The following MAOB variants were observed in gnomAD, a reference collection of about 807,000 sequenced individuals.
MAOB encodes the protein monoamine oxidase B, also known as amine oxidase [flavin-containing] B.
Under a neutral mutation model 41.9 loss-of-function variants are expected in MAOB, and 15 were observed. The ratio of observed to expected loss-of-function variants is 0.36; its 90% CI spans 0.24 to 0.55. The LOEUF is 0.55. MAOB is among the 20% of genes least tolerant of loss of function. MAOB has a pLI of 0.86. For missense variants in MAOB, 345 were observed against 398.7 expected (o/e 0.87, Z 1.15); for synonymous variants, 167 against 144.2 (o/e 1.16, Z -1.13).
chrX:43,826,877 G>A (rs2034953636), intron 3 of MAOB, among the ~76,000 whole-genome samples: 1 of 111,741 alleles, frequency 8.9e-6, no homozygotes, highest in East Asian at 2.8e-4. Flanking sequence ...GTTGCACTGG[G>A]GATTAAGTTG....
intron 1 of MAOB, among the ~76,000 whole-genome samples, chrX:43,879,681 T>C (rs1029732935): frequency 1.8e-5 from 2 of 111,540 alleles, no homozygotes; most frequent in African/African-American, 3.3e-5. Flanking sequence ...ACACACGCCA[T>C]TTGATGCATG....
At chrX:43,850,635 T>C in intron 1 of MAOB, 1 of 195,671 alleles carries the variant, frequency 5.1e-6, no homozygotes, top group Non-Finnish European at 7.7e-6. Context: ...TCCCACAAAA[T>C]GAAAAAAAGA....
At chrX:43,862,646 G>A (rs1302745136) in intron 1 of MAOB, among the ~76,000 whole-genome samples, 1 of 111,772 alleles carries the variant, frequency 8.9e-6, no homozygotes, top group African/African-American at 3.3e-5. Flanking sequence ...CATACACCTG[G>A]GTGTGAAATC....
chrX:43,837,356 T>C (rs2035082968), intron 3 of MAOB, among the ~76,000 whole-genome samples: 1 of 112,312 alleles, frequency 8.9e-6, no homozygotes, highest in Non-Finnish European at 1.9e-5. Context: ...GAAAGGCTTA[T>C]AAAATAAAAT....
At position 43,837,398 on chromosome X, in the gene MAOB, A is replaced by G. The variant is rs1197345891; in HGVS notation, c.279+1470T>C. On this transcript the variant is annotated intron_variant, in intron 3 of 14. Coordinates refer to ENST00000378069, the MANE Select transcript of MAOB (RefSeq NM_000898.5). ...TTTTTAGTAGAGACGGGGTTTCGCC[A>G]TGATGGCCAGGCTGGTCTGGAACTC... 5.3e-5 allele frequency among the ~76,000 whole-genome samples: 6 copies of G among 112,289 alleles called. No individual in the cohort carries two copies. The East Asian group carries it at 1.4e-3, about 26-fold the overall frequency.
chrX:43,828,439 A>C (rs1602009597), intron 3 of MAOB, among the ~76,000 whole-genome samples: 1 of 111,006 alleles, frequency 9.0e-6, no homozygotes, highest in East Asian at 2.8e-4. Flanking sequence ...TCCTTGATTT[A>C]ACCAAATAGA....
intron 1 of MAOB, among the ~76,000 whole-genome samples, chrX:43,863,704 C>G (rs763878194): frequency 9.0e-6 from 1 of 111,553 alleles, no homozygotes; most frequent in South Asian, 3.8e-4. Flanking sequence ...CTTTTGAGAT[C>G]CCTAAATTAA....
Position 43,793,523 on chromosome X carries a change from T to A in MAOB, c.824A>T (p.Asn275Ile). ...PPTLGMKIHFNPPLPMMRNQM... is the reference protein window; with the variant it reads ...PPTLGMKIHFIPPLPMMRNQM... ...GTTTCTCATCATTGGCAGAGGGGGA[T>A]TGAAGTGAATCTTCATGCCCAGAGT... The change falls in exon 8 of 15, where the codon AAT (asparagine) becomes ATT (isoleucine). Residue 275 changes from asparagine to isoleucine, a missense_variant. Asn to Ile is a moderately radical substitution (Grantham distance 149, BLOSUM62 -3). Coordinates refer to ENST00000378069, the MANE Select transcript of MAOB (RefSeq NM_000898.5). The A allele has an allele frequency of 8.3e-7, 1 of 1,202,826 alleles. No individual in the cohort carries two copies. Among genetic ancestry groups the A allele is most frequent in the Non-Finnish European group, 1.1e-6 (1 of 888,628 alleles).
intron 9 of MAOB, among the ~76,000 whole-genome samples, chrX:43,780,769 G>GT (rs1188984430): frequency 9.0e-6 from 1 of 111,593 alleles, no homozygotes; most frequent in African/African-American, 3.3e-5. Context: ...TTGCTCTTTG[G>GT]TTTTGTCTCC....
At chrX:43,880,154 G>A (rs776807885) in intron 1 of MAOB, among the ~76,000 whole-genome samples, 7 of 112,311 alleles carry the variant, frequency 6.2e-5, no homozygotes, top group African/African-American at 1.9e-4. Flanking sequence ...CAATGGCCCT[G>A]TATAAATCAT....
chrX:43,784,515 C>CT (rs1478142661), intron 8 of MAOB, among the ~76,000 whole-genome samples: 2 of 112,087 alleles, frequency 1.8e-5, no homozygotes, highest in Admixed American at 1.9e-4. Context: ...TTTGAGAAAT[C>CT]TTTTTTCTTC....
At chrX:43,802,491 T>C (rs936974564) in intron 4 of MAOB, among the ~76,000 whole-genome samples, 1 of 112,042 alleles carries the variant, frequency 8.9e-6, no homozygotes, top group African/African-American at 3.2e-5. Flanking sequence ...CCAAGCCATA[T>C]TTAATTTGTG....
At chrX:43,821,912 A>G (rs938089810) in intron 3 of MAOB, among the ~76,000 whole-genome samples, 1 of 111,997 alleles carries the variant, frequency 8.9e-6, no homozygotes, top group Non-Finnish European at 1.9e-5. Context: ...CCACTTTACA[A>G]ACTAGGAATT....
chrX:43,790,662 T>A (rs2034452681), intron 8 of MAOB, among the ~76,000 whole-genome samples: 1 of 110,472 alleles, frequency 9.1e-6, no homozygotes, highest in Non-Finnish European at 1.9e-5. Flanking sequence ...ATTCACTGTA[T>A]CCTCCACCTC....
intron 12 of MAOB, 114 bp downstream of exon 12, chrX:43,775,061 T>C: frequency 1.1e-6 from 1 of 886,940 alleles, no homozygotes; most frequent in Non-Finnish European, 1.4e-6. Flanking sequence ...GGTTGTTTTT[T>C]TTTTTTTTTT....
chrX:43,823,839 C>T (rs1272853804), intron 3 of MAOB, among the ~76,000 whole-genome samples: 2 of 111,909 alleles, frequency 1.8e-5, no homozygotes, highest in Non-Finnish European at 3.8e-5. Flanking sequence ...TTTGGACCCA[C>T]CCAAAATTAA....
chrX:43,801,948 A>G (rs1434301609), intron 5 of MAOB, among the ~76,000 whole-genome samples: 1 of 112,983 alleles, frequency 8.9e-6, no homozygotes, highest in Non-Finnish European at 1.9e-5. Flanking sequence ...AGGACTTCAC[A>G]GGGTAATACC....
chrX:43,853,072 G>A (rs894638007), intron 1 of MAOB, among the ~76,000 whole-genome samples: 3 of 109,245 alleles, frequency 2.7e-5, no homozygotes, highest in Non-Finnish European at 5.7e-5. Context: ...AGGCCGAGGC[G>A]GGCGGATCAC....
intron 10 of MAOB, 98 bp downstream of exon 10, chrX:43,780,244 G>T: frequency 1.4e-6 from 1 of 696,923 alleles, no homozygotes; most frequent in Non-Finnish European, 2.2e-6. Flanking sequence ...AGGCAGGCAA[G>T]TAGGTAGAAA....
Sources: gnomAD v4.1 joint callset for allele counts (sites outside exome capture counted in the v4.1 genomes callset) on GRCh38, gnomAD v4.1.1 for gene constraint, MANE v1.5 for transcripts, NCBI Gene and HGNC (gene_info 2026-07-23, HGNC 2026-07-21) for gene names.